PRMT3: variants seen among roughly 807,000 people sequenced by gnomAD.
PRMT3 encodes the protein protein arginine methyltransferase 3.
PRMT3 carries 62 observed loss-of-function variants against 71.9 expected under a neutral mutation model. The observed-to-expected ratio is 0.86, with a 90% CI of 0.70 to 1.07. The LOEUF (loss-of-function observed/expected upper bound fraction) is 1.07, where lower values mean the gene tolerates loss of function less well. Among genes scored for constraint, PRMT3 ranks in the 50% least tolerant of loss-of-function variants. The pLI is 0.00. For synonymous variants in PRMT3, 213 were observed against 220.4 expected (o/e 0.97, Z 0.30); for missense variants, 663 against 643.0 (o/e 1.03, Z -0.34).
intron 9 of PRMT3, among the ~76,000 whole-genome samples, chr11:20,426,221 A>G (rs564031451): frequency 1.3e-5 from 2 of 152,348 alleles, no homozygotes; most frequent in Non-Finnish European, 2.9e-5. Context: ...AGCTTTCACA[A>G]GTATTTGATC....
chr11:20,501,116 A>T (rs994264808), intron 15 of PRMT3, among the ~76,000 whole-genome samples: 24 of 152,268 alleles, frequency 1.6e-4, no homozygotes, highest in African/African-American at 5.8e-4. Flanking sequence ...ATAAATTCCA[A>T]TTTACCCTTC....
intron 9 of PRMT3, among the ~76,000 whole-genome samples, chr11:20,424,051 G>A (rs1849486361): frequency 1.3e-5 from 2 of 151,768 alleles, no homozygotes; most frequent in Non-Finnish European, 1.5e-5. Flanking sequence ...GGGTGTGGTG[G>A]CGGGCGCCTG....
intron 13 of PRMT3, among the ~76,000 whole-genome samples, chr11:20,472,234 A>G (rs1383292455): frequency 4.6e-5 from 7 of 152,100 alleles, no homozygotes; most frequent in African/African-American, 1.2e-4. Context: ...TTCCAATACT[A>G]TGTTGAATAG....
At chr11:20,411,289 T>C (rs1849186511) in intron 9 of PRMT3, among the ~76,000 whole-genome samples, 1 of 152,110 alleles carries the variant, frequency 6.6e-6, no homozygotes, top group Non-Finnish European at 1.5e-5. Flanking sequence ...CAGTCTTTTC[T>C]GTGTGTATTT....
intron 9 of PRMT3, among the ~76,000 whole-genome samples, chr11:20,422,003 ATATGTGGGGAAGAGAG>A (rs1366875007): frequency 1.2e-4 from 19 of 152,198 alleles, no homozygotes; most frequent in African/African-American, 4.3e-4. Context: ...TGTTTGCTTT[ATATGTGGGGAAGAGAG>A]TATGGCAGTT....
chr11:20,414,884 A>G (rs1465104414), intron 9 of PRMT3, among the ~76,000 whole-genome samples: 2 of 152,162 alleles, frequency 1.3e-5, no homozygotes, highest in Admixed American at 1.3e-4. Flanking sequence ...CAAGGACAAG[A>G]GCTTTATCCT....
At chr11:20,408,918 ACT>A (rs1460570963) in intron 9 of PRMT3, among the ~76,000 whole-genome samples, 2 of 151,432 alleles carry the variant, frequency 1.3e-5, no homozygotes, top group Non-Finnish European at 2.9e-5. Context: ...AAATAGTGAG[ACT>A]CTGTCCTCTA....
intron 13 of PRMT3, among the ~76,000 whole-genome samples, chr11:20,492,017 T>C (rs1851219658): frequency 6.6e-6 from 1 of 152,234 alleles, no homozygotes; most frequent in Non-Finnish European, 1.5e-5. Context: ...AATTTTAATT[T>C]GGCTAAAATT....
At chr11:20,447,724 C>CA (rs1232634275) in intron 10 of PRMT3, among the ~76,000 whole-genome samples, 2 of 152,172 alleles carry the variant, frequency 1.3e-5, no homozygotes, top group Middle Eastern at 6.8e-3. Flanking sequence ...TCTCTCTAAA[C>CA]ACGTAAAGCC....
At chr11:20,407,257 T>C (rs1002379799) in intron 8 of PRMT3, 1 of 152,128 alleles carries the variant, frequency 6.6e-6, no homozygotes, top group Non-Finnish European at 1.5e-5. Flanking sequence ...TTAATGAGAG[T>C]TTCTGGAAAC....
intron 10 of PRMT3, among the ~76,000 whole-genome samples, chr11:20,435,539 TTTTGTTTG>T (rs540222908): frequency 6.6e-6 from 1 of 152,034 alleles, no homozygotes; most frequent in African/African-American, 2.4e-5. Flanking sequence ...CTAGTTTGAT[TTTTGTTTG>T]TTTGTTTGTT....
chr11:20,433,704 T>A (rs1849703543), intron 10 of PRMT3, among the ~76,000 whole-genome samples: 1 of 152,138 alleles, frequency 6.6e-6, no homozygotes, highest in Non-Finnish European at 1.5e-5. Flanking sequence ...CACTGCAACC[T>A]CCACCCCCCA....
intron 13 of PRMT3, among the ~76,000 whole-genome samples, chr11:20,483,524 C>T (rs1850995337): frequency 6.8e-6 from 1 of 146,512 alleles, no homozygotes. Context: ...AAGCAGTGGG[C>T]TGCAAGCCTT....
At chr11:20,440,099 G>T (rs1392847604) in intron 10 of PRMT3, among the ~76,000 whole-genome samples, 1 of 152,152 alleles carries the variant, frequency 6.6e-6, no homozygotes, top group Non-Finnish European at 1.5e-5. Flanking sequence ...AGTTCCAAGT[G>T]GAGTAAAGTT....
intron 9 of PRMT3, among the ~76,000 whole-genome samples, chr11:20,413,188 G>C (rs569781859): frequency 6.6e-6 from 1 of 152,186 alleles, no homozygotes; most frequent in South Asian, 2.1e-4. Context: ...TATTTTTATA[G>C]TGTTCTTATG....
intron 13 of PRMT3, among the ~76,000 whole-genome samples, chr11:20,493,266 A>G (rs1241424302): frequency 1.3e-5 from 2 of 152,226 alleles, no homozygotes; most frequent in Non-Finnish European, 2.9e-5. Flanking sequence ...AATAAGTAAC[A>G]TTTTAAAAAT....
intron 13 of PRMT3, among the ~76,000 whole-genome samples, chr11:20,475,561 C>T (rs901496558): frequency 1.4e-5 from 1 of 72,966 alleles, no homozygotes; most frequent in African/African-American, 3.5e-5. Flanking sequence ...GCACATGACT[C>T]TGTTTTTACT....
chr11:20,461,873 TA>T, intron 11 of PRMT3, 106 bp from the exon 12 acceptor site: 1 of 958,378 alleles, frequency 1.0e-6, no homozygotes, highest in Middle Eastern at 2.5e-4. Flanking sequence ...CTCCCATTGC[TA>T]GTAATCCTTA....
At chr11:20,482,539 C>T (rs748460446) in intron 13 of PRMT3, among the ~76,000 whole-genome samples, 3 of 151,986 alleles carry the variant, frequency 2.0e-5, no homozygotes, top group Admixed American at 2.0e-4. Context: ...GAGGGGTTCT[C>T]CCTAGACTTA....
Sources: allele counts gnomAD v4.1 joint callset (sites outside exome capture counted in the v4.1 genomes callset), GRCh38; gene constraint gnomAD v4.1.1; transcripts MANE v1.5; gene names NCBI Gene and HGNC (gene_info 2026-07-23, HGNC 2026-07-21).